Variants in TCF4 observed in about 807,000 individuals in gnomAD.
The protein encoded by TCF4 is SL3-3 enhancer factor 2.
A neutral mutation model predicts 82.1 loss-of-function variants in TCF4; 3 were observed. The observed-to-expected ratio is 0.04, with a 90% CI of 0.02 to 0.09. The LOEUF (loss-of-function observed/expected upper bound fraction) is 0.09. TCF4 is among the 10% of genes least tolerant of loss of function. TCF4 has a pLI of 1.00. For synonymous variants in TCF4, 276 were observed against 309.6 expected, an observed-to-expected ratio of 0.89 and a Z score of 1.14; for missense variants, 518 against 852.7, an observed-to-expected ratio of 0.61 and a Z score of 4.89.
intron 3 of TCF4, among the ~76,000 whole-genome samples, chr18:55,490,638 C>A (rs2096566321): frequency 6.6e-6 from 1 of 151,660 alleles, no homozygotes; most frequent in African/African-American, 2.4e-5. Context: ...ACTGAATAAT[C>A]ACATAAAATA....
intron 3 of TCF4, among the ~76,000 whole-genome samples, chr18:55,506,615 G>GCATT: frequency 6.6e-6 from 1 of 152,054 alleles, no homozygotes; most frequent in African/African-American, 2.4e-5. Context: ...AAGCAAGCAT[G>GCATT]CATTCATTTA....
chr18:55,402,794 A>G (rs1036076759), intron 6 of TCF4, among the ~76,000 whole-genome samples: 1 of 152,210 alleles, frequency 6.6e-6, no homozygotes, highest in African/African-American at 2.4e-5. Context: ...ACAAATGCAA[A>G]GTGCCCAGAG....
intron 3 of TCF4, among the ~76,000 whole-genome samples, chr18:55,481,643 T>C (rs2096434885): frequency 6.6e-6 from 1 of 152,188 alleles, no homozygotes; most frequent in African/African-American, 2.4e-5. Context: ...CAGGCAGTAC[T>C]CCTCCCAAAA....
intron 6 of TCF4, among the ~76,000 whole-genome samples, chr18:55,376,400 T>C (rs1029503134): frequency 1.3e-5 from 2 of 152,184 alleles, no homozygotes; most frequent in African/African-American, 4.8e-5. Flanking sequence ...TTTTGAGGCC[T>C]GCAAGAAGGG....
At chr18:55,363,349 G>C (rs550160017) in intron 6 of TCF4, among the ~76,000 whole-genome samples, 81 of 152,052 alleles carry the variant, frequency 5.3e-4, no homozygotes, top group Non-Finnish European at 8.5e-4. Flanking sequence ...TTACGTTTTT[G>C]CTTCACACTT....
chr18:55,515,215 G>C (rs939447954), intron 3 of TCF4, among the ~76,000 whole-genome samples: 1 of 152,114 alleles, frequency 6.6e-6, no homozygotes, highest in East Asian at 1.9e-4. Context: ...AGAGAAAAAA[G>C]TCAGAGAATC....
chr18:55,611,724 G>A (rs527472473), intron 2 of TCF4, among the ~76,000 whole-genome samples: 4 of 152,130 alleles, frequency 2.6e-5, no homozygotes, highest in South Asian at 4.2e-4. Flanking sequence ...TAGTATATGC[G>A]AAATATTATA....
At chr18:55,381,014 T>C (rs1426883866) in intron 6 of TCF4, among the ~76,000 whole-genome samples, 1 of 152,204 alleles carries the variant, frequency 6.6e-6, no homozygotes, top group East Asian at 1.9e-4. Flanking sequence ...TGACATCTTT[T>C]CTAATTAGGG....
chr18:55,427,727 G>T (rs1450017024), intron 5 of TCF4, among the ~76,000 whole-genome samples: 2 of 152,160 alleles, frequency 1.3e-5, no homozygotes, highest in African/African-American at 2.4e-5. Context: ...TTACAGAAAA[G>T]GGAGTATCTT....
In TCF4 at chr18:55,234,556, G is replaced by T. The variant is rs1220336999; in HGVS notation, c.1478C>A (p.Pro493His). Reference sequence around the variant, plus strand: ...TGGTGAGGCCAACCTACCTCTGTAAGGGTCCTGGGGTGGGTTCAGGTCAGG... The same window carrying T: ...TGGTGAGGCCAACCTACCTCTGTAATGGTCCTGGGGTGGGTTCAGGTCAGG... ...TSPDLNPPQD[P>H]YRGMPPGLQG... is the part of the protein sequence containing the mutation. Residue 493 changes from proline to histidine, a missense_variant, in exon 16 of 20, where the codon CCT becomes CAT. Transcript: ENST00000354452. 1.9e-6 allele frequency: 3 copies of T among 1,614,036 alleles called. No homozygotes were observed. Among genetic ancestry groups the T allele is most frequent in the Non-Finnish European group, 1.7e-6 (2 of 1,180,030 alleles).
intron 15 of TCF4, among the ~76,000 whole-genome samples, chr18:55,241,446 A>T (rs940966194): frequency 3.3e-5 from 5 of 152,242 alleles, no homozygotes; most frequent in Non-Finnish European, 7.3e-5. Flanking sequence ...AGTGAACCAA[A>T]CATATCTAGC....
chr18:55,549,860 C>T (rs973840852), intron 3 of TCF4, among the ~76,000 whole-genome samples: 10 of 152,156 alleles, frequency 6.6e-5, no homozygotes, highest in African/African-American at 2.4e-4. Context: ...GACCGAAACG[C>T]CATTATGCAG....
At chr18:55,571,183 A>T (rs1028687805) in intron 3 of TCF4, among the ~76,000 whole-genome samples, 77 of 152,254 alleles carry the variant, frequency 5.1e-4, no homozygotes, top group African/African-American at 1.6e-3. Flanking sequence ...AGGTTCATCA[A>T]CTGGAACATG....
intron 3 of TCF4, among the ~76,000 whole-genome samples, chr18:55,478,603 A>G (rs1279773705): frequency 2.0e-5 from 3 of 152,164 alleles, no homozygotes; most frequent in Non-Finnish European, 4.4e-5. Context: ...ACAGAAAAGA[A>G]ATACTGCAAG....
chr18:55,422,946 A>G (rs1483817409), intron 5 of TCF4, among the ~76,000 whole-genome samples: 1 of 151,870 alleles, frequency 6.6e-6, no homozygotes, highest in African/African-American at 2.4e-5. Flanking sequence ...GAAAAAAAAC[A>G]AATTTCACTT....
At chr18:55,550,469 C>T (rs1052471322) in intron 3 of TCF4, 1 of 152,134 alleles carries the variant, frequency 6.6e-6, no homozygotes, top group African/African-American at 2.4e-5. Context: ...CACATGGACT[C>T]CCTAACGGTG....
chr18:55,407,159 G>A (rs775422280), intron 5 of TCF4, among the ~76,000 whole-genome samples: 6 of 152,086 alleles, frequency 3.9e-5, no homozygotes, highest in Non-Finnish European at 7.4e-5. Flanking sequence ...ATACCTAAAA[G>A]GACCAAATGT....
At chr18:55,474,709 T>C (rs1310762446) in intron 3 of TCF4, among the ~76,000 whole-genome samples, 2 of 152,182 alleles carry the variant, frequency 1.3e-5, no homozygotes. Flanking sequence ...AAGGAAAATG[T>C]ATAATTTTTT....
At chr18:55,529,437 T>C (rs1384601626) in intron 3 of TCF4, among the ~76,000 whole-genome samples, 1 of 152,156 alleles carries the variant, frequency 6.6e-6, no homozygotes, top group Non-Finnish European at 1.5e-5. Flanking sequence ...TATTTTTCTA[T>C]AGGCAAAGAA....
Sources: allele counts gnomAD v4.1 joint callset (sites outside exome capture counted in the v4.1 genomes callset), GRCh38; gene constraint gnomAD v4.1.1; transcripts MANE v1.5; gene names NCBI Gene and HGNC (gene_info 2026-07-23, HGNC 2026-07-21).